Variants in FBXW11 observed in about 807,000 individuals in gnomAD.
The protein encoded by FBXW11 is F-box and WD repeat domain containing 11, also known as F-box/WD repeat-containing protein 11.
Under a neutral mutation model 77.6 loss-of-function variants are expected in FBXW11, and 19 were observed. The observed-to-expected ratio is 0.24, with a 90% CI of 0.17 to 0.36. The LOEUF is 0.36. FBXW11 is among the 10% of genes least tolerant of loss of function. FBXW11 has a pLI of 1.00. For synonymous variants in FBXW11, 235 were observed against 249.4 expected, an observed-to-expected ratio of 0.94 and a Z score of 0.54; for missense variants, 334 against 704.2, an observed-to-expected ratio of 0.47 and a Z score of 5.95.
intron 2 of FBXW11, among the ~76,000 whole-genome samples, chr5:171,918,151 G>A (rs1266901282): frequency 1.3e-5 from 2 of 151,898 alleles, no homozygotes; most frequent in African/African-American, 4.8e-5. Flanking sequence ...GCCTGCTACA[G>A]GTTGAGCATC....
At chr5:171,874,857 G>A (rs1213513636) in intron 9 of FBXW11, among the ~76,000 whole-genome samples, 3 of 151,562 alleles carry the variant, frequency 2.0e-5, no homozygotes, top group Admixed American at 6.6e-5. Context: ...TGAGCTGGGG[G>A]ACTGCTTGAG....
At chr5:171,922,630 G>A (rs1456350961) in intron 2 of FBXW11, among the ~76,000 whole-genome samples, 2 of 151,940 alleles carry the variant, frequency 1.3e-5, no homozygotes, top group Non-Finnish European at 2.9e-5. Context: ...CTAAAATATA[G>A]GAATATACCA....
chr5:171,887,822 T>TA (rs1469664275), intron 7 of FBXW11, among the ~76,000 whole-genome samples: 3 of 152,086 alleles, frequency 2.0e-5, no homozygotes, highest in African/African-American at 7.2e-5. Context: ...CACGCCCAGC[T>TA]AATTTTTTGT....
At chr5:171,947,641 A>G (rs577923342) in intron 2 of FBXW11, among the ~76,000 whole-genome samples, 1 of 152,318 alleles carries the variant, frequency 6.6e-6, no homozygotes, top group East Asian at 1.9e-4. Flanking sequence ...AAGTTTAATG[A>G]CCTTAATGTC....
chr5:171,889,519 C>T (rs1347115400), intron 7 of FBXW11, among the ~76,000 whole-genome samples: 1 of 88,844 alleles, frequency 1.1e-5, no homozygotes, highest in Non-Finnish European at 2.2e-5. Flanking sequence ...CAGAGTGAGA[C>T]TCCATCTCAA....
chr5:171,900,773 T>A (rs114960986), intron 4 of FBXW11, among the ~76,000 whole-genome samples: 4,125 of 152,286 alleles, frequency 0.027, 70 homozygotes, highest in Non-Finnish European at 0.043. Context: ...GATGGGACAA[T>A]CCTCAAAAGC....
At chr5:171,954,183 A>T (rs1400387294) in intron 2 of FBXW11, among the ~76,000 whole-genome samples, 2 of 152,226 alleles carry the variant, frequency 1.3e-5, no homozygotes, top group Non-Finnish European at 2.9e-5. Context: ...CCAAAAATTA[A>T]GGGGAATTTG....
intron 1 of FBXW11, among the ~76,000 whole-genome samples, chr5:171,977,929 A>C (rs1764928173): frequency 1.3e-5 from 2 of 152,190 alleles, no homozygotes; most frequent in African/African-American, 4.8e-5. Flanking sequence ...AACTACAGTT[A>C]CATTAACAGC....
chr5:171,868,458 A>C (rs1245848036), intron 13 of FBXW11, among the ~76,000 whole-genome samples, 152 bp downstream of exon 13: 1 of 152,150 alleles, frequency 6.6e-6, no homozygotes, highest in African/African-American at 2.4e-5. Flanking sequence ...TGTGACTATA[A>C]AGATCCAGCC....
chr5:171,927,204 C>A (rs1014205333), intron 2 of FBXW11, among the ~76,000 whole-genome samples: 2 of 152,150 alleles, frequency 1.3e-5, no homozygotes, highest in South Asian at 2.1e-4. Context: ...AATTTCTGTT[C>A]ATTGAAAACA....
chr5:171,914,582 A>G (rs1161377768), intron 2 of FBXW11, among the ~76,000 whole-genome samples, 177 bp from the exon 3 acceptor site: 1 of 152,144 alleles, frequency 6.6e-6, no homozygotes, highest in Non-Finnish European at 1.5e-5. Context: ...ATCTTTCATA[A>G]ATCGATAAAG....
At chr5:171,918,052 C>G (rs550055438) in intron 2 of FBXW11, among the ~76,000 whole-genome samples, 1 of 152,150 alleles carries the variant, frequency 6.6e-6, no homozygotes, top group East Asian at 1.9e-4. Context: ...TCCTTCCTCT[C>G]TCTTCACCAA....
intron 1 of FBXW11, chr5:171,997,083 C>T (rs1561761042): frequency 7.8e-7 from 1 of 1,288,756 alleles, no homozygotes; most frequent in Admixed American, 2.3e-5. Context: ...TCCATACACC[C>T]ACCATGGCAC....
chr5:171,972,777 T>G (rs1020509846), intron 1 of FBXW11, among the ~76,000 whole-genome samples: 1 of 152,094 alleles, frequency 6.6e-6, no homozygotes, highest in Non-Finnish European at 1.5e-5. Flanking sequence ...ACTCCTGACC[T>G]CAGGTGATCC....
intron 7 of FBXW11, among the ~76,000 whole-genome samples, chr5:171,880,297 T>C (rs375214293): frequency 1.3e-5 from 2 of 152,234 alleles, no homozygotes; most frequent in East Asian, 3.8e-4. Flanking sequence ...GTTCCATGGA[T>C]CTAGCTGTCC....
At chr5:171,969,701 T>C (rs1764415939) in intron 1 of FBXW11, among the ~76,000 whole-genome samples, 1 of 151,758 alleles carries the variant, frequency 6.6e-6, no homozygotes, top group Non-Finnish European at 1.5e-5. Flanking sequence ...AACTAGCAGC[T>C]TTTTTTGTTT....
In FBXW11 at chr5:171,870,762, A is replaced by G; in HGVS notation, c.1437T>C (p.Ser479=). The G allele has an allele frequency of 6.2e-7, 1 of 1,613,238 alleles. No individual in the cohort carries two copies. Among genetic ancestry groups the G allele is most frequent in the Non-Finnish European group, 8.5e-7 (1 of 1,179,208 alleles). The part of the protein sequence containing the change: ...CIRFDNKRIV[S]GAYDGKIKVW... ...GAAAGACATACCCATCATAGGCCCC[A>G]CTGACAATCCTCTTGTTATCAAACC... is the stretch of plus-strand genomic sequence containing the variant. The change falls in exon 11 of 14, where the codon AGT becomes AGC. Residue 479 remains serine, a synonymous_variant. Coordinates refer to ENST00000517395, the MANE Select transcript of FBXW11 (RefSeq NM_001378974.1).
chr5:171,945,640 T>C (rs1762968551), intron 2 of FBXW11, among the ~76,000 whole-genome samples: 1 of 152,226 alleles, frequency 6.6e-6, no homozygotes, highest in African/African-American at 2.4e-5. Context: ...GAGCACTATA[T>C]ACTAATGGTT....
intron 4 of FBXW11, among the ~76,000 whole-genome samples, chr5:171,908,482 T>C (rs188745237): frequency 6.6e-6 from 1 of 150,944 alleles, no homozygotes; most frequent in South Asian, 2.1e-4. Context: ...CTTGGCTTCC[T>C]AATCTACACA....
Sources: gnomAD v4.1 joint callset for allele counts (sites outside exome capture counted in the v4.1 genomes callset) on GRCh38, gnomAD v4.1.1 for gene constraint, MANE v1.5 for transcripts, NCBI Gene and HGNC (gene_info 2026-07-23, HGNC 2026-07-21) for gene names.